Variants in KSR2 observed in about 807,000 individuals in gnomAD.
KSR2 encodes kinase suppressor of ras 2.
A neutral mutation model predicts 107.8 loss-of-function variants in KSR2; 25 were observed. The ratio of observed to expected loss-of-function variants is 0.23; its 90% CI spans 0.17 to 0.32. The LOEUF is 0.32. Ranked by LOEUF, KSR2 falls within the 10% of genes least tolerant of loss-of-function variation. The pLI is 1.00. For synonymous variants in KSR2, 480 were observed against 507.0 expected (o/e 0.95, Z 0.71); for missense variants, 887 against 1,268.9 (o/e 0.70, Z 4.57).
At chr12:117,740,050 C>T (rs1888113191) in intron 4 of KSR2, among the ~76,000 whole-genome samples, 1 of 151,672 alleles carries the variant, frequency 6.6e-6, no homozygotes, top group Admixed American at 6.6e-5. Context: ...ACACTGAACC[C>T]AATTTGTAGT....
chr12:117,703,108 T>C (rs1886388886), intron 4 of KSR2, among the ~76,000 whole-genome samples: 1 of 151,714 alleles, frequency 6.6e-6, no homozygotes, highest in Non-Finnish European at 1.5e-5. Flanking sequence ...CAAACCAGGG[T>C]CAGAGAGAGA....
At chr12:117,620,322 A>G (rs759834951) in intron 5 of KSR2, among the ~76,000 whole-genome samples, 1 of 152,128 alleles carries the variant, frequency 6.6e-6, no homozygotes, top group Non-Finnish European at 1.5e-5. Flanking sequence ...GGTCTGCCCC[A>G]TTGTGGATAT....
At position 117,466,467 on chromosome 12, in the gene KSR2, A is replaced by C. The variant is rs765056050; in HGVS notation, c.*732T>G. 2 of 152,268 alleles carry C rather than the reference A, an allele frequency of 1.3e-5. No homozygotes were observed. Among genetic ancestry groups the C allele is most frequent in the African/African-American group, 2.4e-5 (1 of 41,458 alleles). 9.4% of individuals were successfully genotyped at this position (152,268 alleles called of 1,614,324 possible). ...CTCTCAGAGAACAGGAGAAAACAGC[A>C]GAAATGGGGGAATAGGTCCCCCAGA... is the stretch of plus-strand genomic sequence containing the variant. On this transcript the variant is annotated 3_prime_UTR_variant, in exon 20 of 20. Transcript: ENST00000339824.
chr12:117,814,759 ATCCC>A (rs1891313607), intron 3 of KSR2, among the ~76,000 whole-genome samples: 1 of 152,148 alleles, frequency 6.6e-6, no homozygotes, highest in South Asian at 2.1e-4. Flanking sequence ...TTTGAGCAGG[ATCCC>A]TCAAAGTGTG....
At chr12:117,818,088 G>A (rs1016273831) in intron 3 of KSR2, among the ~76,000 whole-genome samples, 15 of 150,110 alleles carry the variant, frequency 1.0e-4, no homozygotes, top group African/African-American at 3.7e-4. Flanking sequence ...GTAACAGAGC[G>A]AGACTCTGTT....
At chr12:117,491,346 A>G (rs1013206547) in intron 14 of KSR2, among the ~76,000 whole-genome samples, 1 of 151,872 alleles carries the variant, frequency 6.6e-6, no homozygotes, top group Non-Finnish European at 1.5e-5. Context: ...CGCCTGGCTA[A>G]TTTTTATATT....
At chr12:117,967,484 A>ATT (rs922763357) in intron 1 of KSR2, among the ~76,000 whole-genome samples, 1 of 150,688 alleles carries the variant, frequency 6.6e-6, no homozygotes, top group African/African-American at 2.4e-5. Context: ...TTCCATAGGA[A>ATT]TTTTTTTTTT....
intron 4 of KSR2, among the ~76,000 whole-genome samples, chr12:117,691,044 T>C (rs1209962812): frequency 6.6e-6 from 1 of 152,160 alleles, no homozygotes; most frequent in Non-Finnish European, 1.5e-5. Flanking sequence ...GCAAACCTAC[T>C]CTCAAACACA....
chr12:117,481,658 C>T (rs1308301707), intron 16 of KSR2, among the ~76,000 whole-genome samples: 2 of 152,154 alleles, frequency 1.3e-5, no homozygotes, highest in Admixed American at 6.5e-5. Context: ...ACATGCACTC[C>T]CTAATTATTT....
At chr12:117,682,487 G>A (rs557298257) in intron 4 of KSR2, among the ~76,000 whole-genome samples, 118 of 151,684 alleles carry the variant, frequency 7.8e-4, no homozygotes, top group Non-Finnish European at 1.4e-3. Context: ...GCGCAATCTC[G>A]GCTCACCGCA....
chr12:117,825,025 C>A (rs1235034046), intron 3 of KSR2, among the ~76,000 whole-genome samples: 1 of 151,648 alleles, frequency 6.6e-6, no homozygotes, highest in Non-Finnish European at 1.5e-5. Flanking sequence ...AGTAAAAATA[C>A]AAAAAAATTA....
intron 3 of KSR2, among the ~76,000 whole-genome samples, chr12:117,762,822 C>T (rs1889089169): frequency 1.3e-5 from 2 of 151,444 alleles, no homozygotes; most frequent in Admixed American, 1.3e-4. Context: ...GAGCTGAGAT[C>T]GCACCATTGC....
chr12:117,759,224 G>A (rs1204002775), intron 4 of KSR2, among the ~76,000 whole-genome samples: 1 of 152,202 alleles, frequency 6.6e-6, no homozygotes, highest in African/African-American at 2.4e-5. Context: ...GCTTCAGACA[G>A]GGCTTGGTAA....
At chr12:117,674,723 A>G (rs1885052249) in intron 4 of KSR2, among the ~76,000 whole-genome samples, 1 of 152,120 alleles carries the variant, frequency 6.6e-6, no homozygotes, top group Non-Finnish European at 1.5e-5. Flanking sequence ...CCCACTTTGG[A>G]TTCTTTACAA....
intron 4 of KSR2, among the ~76,000 whole-genome samples, chr12:117,709,871 GCCCGCTGT>G (rs1486561862): frequency 6.6e-6 from 1 of 152,168 alleles, no homozygotes; most frequent in Non-Finnish European, 1.5e-5. Flanking sequence ...TCCAGACATT[GCCCGCTGT>G]CCCCTGGGAG....
At position 117,714,774 on chromosome 12, in the gene KSR2, G is replaced by C. The variant is rs556296340; in HGVS notation, c.986+46237C>G. 6.6e-5 allele frequency among the ~76,000 whole-genome samples: 10 copies of C among 152,228 alleles called. No homozygotes were observed. In the East Asian group the frequency reaches 1.9e-3, roughly 29 times the overall value. ...GACATTTTTGGGTGTCACAACTTGG[G>C]GGCAGGAGTGCAACCGTCATCTAGT... On this transcript the variant is annotated intron_variant, in intron 4 of 19. Transcript: ENST00000339824.
intron 5 of KSR2, among the ~76,000 whole-genome samples, chr12:117,597,615 C>T (rs1365971442): frequency 6.6e-6 from 1 of 152,116 alleles, no homozygotes; most frequent in Non-Finnish European, 1.5e-5. Context: ...CTGATTTCAG[C>T]CCCACAAGAC....
intron 9 of KSR2, among the ~76,000 whole-genome samples, chr12:117,544,490 A>T (rs143277261): frequency 0.011 from 1,701 of 152,104 alleles, 43 homozygotes; most frequent in African/African-American, 0.039. Context: ...GCGGTGGCAC[A>T]CACCTGTAGT....
chr12:117,545,328 T>C (rs1442114441), intron 9 of KSR2, among the ~76,000 whole-genome samples: 1 of 152,206 alleles, frequency 6.6e-6, no homozygotes, highest in Non-Finnish European at 1.5e-5. Flanking sequence ...AGTTGGAAAG[T>C]ATACTCTTCT....
Sources: gnomAD v4.1 joint callset for allele counts (sites outside exome capture counted in the v4.1 genomes callset) on GRCh38, gnomAD v4.1.1 for gene constraint, MANE v1.5 for transcripts, NCBI Gene and HGNC (gene_info 2026-07-23, HGNC 2026-07-21) for gene names.